C1orf21: variants seen among roughly 807,000 people sequenced by gnomAD.
The protein encoded by C1orf21 is uncharacterized protein C1orf21.
A neutral mutation model predicts 18.7 loss-of-function variants in C1orf21; 3 were observed. The observed-to-expected ratio is 0.16, with a 90% CI of 0.07 to 0.42. C1orf21 has a LOEUF of 0.42. Among genes scored for constraint, C1orf21 ranks in the 10% least tolerant of loss-of-function variants. The pLI, the probability that C1orf21 is intolerant of heterozygous loss-of-function variation, is 0.99. For synonymous variants in C1orf21, 41 were observed against 46.4 expected, an observed-to-expected ratio of 0.88 and a Z score of 0.47; for missense variants, 104 against 143.6, an observed-to-expected ratio of 0.72 and a Z score of 1.41.
intron 1 of C1orf21, among the ~76,000 whole-genome samples, chr1:184,452,963 A>G (rs1657144538): frequency 6.6e-6 from 1 of 152,214 alleles, no homozygotes; most frequent in Non-Finnish European, 1.5e-5. Context: ...TGAGTCAGAA[A>G]GAAGCATAAA....
At position 184,575,625 on chromosome 1, in the gene C1orf21, AAAAAAAG is replaced by A. The variant is rs1377966268; in HGVS notation, c.190-15111_190-15105del. The stretch of plus-strand genomic sequence containing the variant: ...ACACAAAAAGGTAAAAAAAAAAAAA[AAAAAAAG>A]AAGAACTTTAAAAAAATCATAATAC... On this transcript the variant is annotated intron_variant, in intron 3 of 5. Transcript: ENST00000235307. 1.2e-3 allele frequency among the ~76,000 whole-genome samples: 181 copies of A among 150,544 alleles called. 2 individuals are homozygous for A. The highest frequency in any genetic ancestry group is 4.3e-3 in the African/African-American group (177 of 40,942).
rs560017820 is a variant in C1orf21 at position 184,472,984 on chromosome 1, A to T, written c.-124-4402A>T. Among the ~76,000 whole-genome samples the T allele has an allele frequency of 2.6e-5, 4 of 152,370 alleles. No individual in the cohort carries two copies. The South Asian group carries it at 8.3e-4, about 32-fold the overall frequency. ...CTGATTATTTTATCAAAAGTGGGAA[A>T]AATGTCCTGTAAAGATGGCATTCAA... On this transcript the variant is annotated intron_variant, in intron 1 of 5. Transcript: ENST00000235307.
chr1:184,604,084 A>C (rs887054754), intron 5 of C1orf21, among the ~76,000 whole-genome samples: 1 of 152,214 alleles, frequency 6.6e-6, no homozygotes, highest in African/African-American at 2.4e-5. Flanking sequence ...AGTGACTTGC[A>C]CATAGTTGTG....
intron 2 of C1orf21, among the ~76,000 whole-genome samples, chr1:184,492,358 T>G (rs1657828990): frequency 6.6e-6 from 1 of 152,190 alleles, no homozygotes; most frequent in South Asian, 2.1e-4. Flanking sequence ...AAGGTTCTAT[T>G]TACCTGCTCC....
chr1:184,538,931 T>C (rs1658602032), intron 3 of C1orf21, among the ~76,000 whole-genome samples: 1 of 152,236 alleles, frequency 6.6e-6, no homozygotes, highest in African/African-American at 2.4e-5. Flanking sequence ...AACATAAGAT[T>C]ATATTACTTG....
chr1:184,556,987 C>A, intron 3 of C1orf21, among the ~76,000 whole-genome samples: 1 of 152,132 alleles, frequency 6.6e-6, no homozygotes, highest in East Asian at 1.9e-4. Context: ...TTTTTATATT[C>A]ATTTTTATCT....
At chr1:184,485,032 G>A (rs1239866617) in intron 2 of C1orf21, among the ~76,000 whole-genome samples, 1 of 152,080 alleles carries the variant, frequency 6.6e-6, no homozygotes, top group African/African-American at 2.4e-5. Context: ...GAAATTAAAA[G>A]CACTTGGAGG....
At chr1:184,454,429 G>A (rs958378043) in intron 1 of C1orf21, among the ~76,000 whole-genome samples, 5 of 152,046 alleles carry the variant, frequency 3.3e-5, no homozygotes, top group African/African-American at 9.7e-5. Flanking sequence ...TAGGACCTGT[G>A]GCCTGTACTT....
chr1:184,491,605 G>T (rs908682785), intron 2 of C1orf21, among the ~76,000 whole-genome samples: 17 of 152,218 alleles, frequency 1.1e-4, no homozygotes, highest in Non-Finnish European at 1.9e-4. Context: ...GCCCACCTTG[G>T]CCTCCCAAAG....
chr1:184,593,391 T>G (rs1659468649), intron 4 of C1orf21, among the ~76,000 whole-genome samples: 1 of 152,184 alleles, frequency 6.6e-6, no homozygotes, highest in African/African-American at 2.4e-5. Context: ...GAGAAGAGTT[T>G]TACTTTTCCT....
chr1:184,619,769 T>C lies in C1orf21; in HGVS notation c.*213T>C. 1 of 451,486 alleles carries C rather than the reference T, an allele frequency of 2.2e-6. No homozygotes were observed. Among genetic ancestry groups the C allele is most frequent in the Non-Finnish European group, 3.8e-6 (1 of 260,996 alleles). 28.0% of individuals were successfully genotyped at this position (451,486 alleles called of 1,614,324 possible). A position where few individuals can be genotyped will look rare whatever the true frequency, so the allele number is the denominator to read the frequency against. On this transcript the variant is annotated 3_prime_UTR_variant, in exon 6 of 6. Coordinates refer to ENST00000235307, the MANE Select transcript of C1orf21 (RefSeq NM_030806.4). ...AACAAAAAAAACTGTTATCGAACTT[T>C]CTTTGTTGCTGCTAGTTAAAACTTG... is the stretch of plus-strand genomic sequence containing the variant.
intron 1 of C1orf21, among the ~76,000 whole-genome samples, chr1:184,450,100 G>A (rs1657100087): frequency 6.6e-6 from 1 of 152,174 alleles, no homozygotes; most frequent in African/African-American, 2.4e-5. Flanking sequence ...AGGCAGGACA[G>A]TGAGGTTGTA....
chr1:184,430,699 T>C (rs995699215), intron 1 of C1orf21, among the ~76,000 whole-genome samples: 1 of 152,228 alleles, frequency 6.6e-6, no homozygotes, highest in African/African-American at 2.4e-5. Context: ...TACAGATTTT[T>C]CATCTTTGGT....
intron 3 of C1orf21, among the ~76,000 whole-genome samples, chr1:184,538,147 A>C (rs1450674009): frequency 6.6e-6 from 1 of 152,190 alleles, no homozygotes; most frequent in Non-Finnish European, 1.5e-5. Flanking sequence ...TTTTCATGAG[A>C]GTAGTCATCC....
chr1:184,621,478 C>A lies in C1orf21; in HGVS notation c.*1922C>A, dbSNP rs1475636934. 6.5e-6 allele frequency: 1 copy of A among 152,672 alleles called. No individual in the cohort carries two copies. The highest frequency in any genetic ancestry group is 1.9e-4 in the East Asian group (1 of 5,186). The allele number at this position is 152,672 out of a possible 1,614,324, so 9.5% of individuals were successfully genotyped here. A position where few individuals can be genotyped will look rare whatever the true frequency, so the allele number is the denominator to read the frequency against. The stretch of plus-strand genomic sequence containing the variant: ...AAGTGACTAAAACAGTTTTCCACAA[C>A]TGTAAACAAACTGCTAAGCCCCACC... On this transcript the variant is annotated 3_prime_UTR_variant, in exon 6 of 6. Transcript: ENST00000235307.
At chr1:184,540,769 C>G (rs1008613993) in intron 3 of C1orf21, among the ~76,000 whole-genome samples, 1 of 152,120 alleles carries the variant, frequency 6.6e-6, no homozygotes, top group South Asian at 2.1e-4. Context: ...GTTTATGAAG[C>G]TAAAAAGTTA....
chr1:184,488,022 C>T (rs1187916525), intron 2 of C1orf21, among the ~76,000 whole-genome samples: 2 of 152,196 alleles, frequency 1.3e-5, no homozygotes, highest in Non-Finnish European at 2.9e-5. Context: ...TGCTTGGTTT[C>T]CTCTGATTAC....
intron 2 of C1orf21, among the ~76,000 whole-genome samples, chr1:184,491,760 A>G (rs1313786116): frequency 1.3e-5 from 2 of 152,200 alleles, no homozygotes; most frequent in Non-Finnish European, 2.9e-5. Flanking sequence ...GCTAGCTCAC[A>G]TGACACTGGT....
chr1:184,513,982 G>A (rs1437544738), intron 3 of C1orf21, among the ~76,000 whole-genome samples: 2 of 152,178 alleles, frequency 1.3e-5, no homozygotes, highest in South Asian at 2.1e-4. Context: ...GCTTAAAGGA[G>A]AAGCCTTGTT....
Sources: gnomAD v4.1 joint callset for allele counts (sites outside exome capture counted in the v4.1 genomes callset) on GRCh38, gnomAD v4.1.1 for gene constraint, MANE v1.5 for transcripts, NCBI Gene and HGNC (gene_info 2026-07-23, HGNC 2026-07-21) for gene names.